The following FBXW7 variants were observed in gnomAD, a reference collection of about 807,000 sequenced individuals.
FBXW7 encodes the protein F-box and WD repeat domain containing 7, also known as F-box/WD repeat-containing protein 7.
Under a neutral mutation model 86.3 loss-of-function variants are expected in FBXW7, and 11 were observed. That is an observed-to-expected ratio of 0.13 (90% confidence interval 0.08 to 0.21). FBXW7 has a LOEUF of 0.21. Ranked by LOEUF, FBXW7 falls within the 10% of genes least tolerant of loss-of-function variation. FBXW7 has a pLI of 1.00. For synonymous variants in FBXW7, 313 were observed against 297.9 expected, an observed-to-expected ratio of 1.05 and a Z score of -0.52; for missense variants, 488 against 847.4, an observed-to-expected ratio of 0.58 and a Z score of 5.27.
chr4:152,442,255 G>C (rs898519414), intron 2 of FBXW7, among the ~76,000 whole-genome samples: 7 of 152,156 alleles, frequency 4.6e-5, no homozygotes, highest in African/African-American at 1.4e-4. Flanking sequence ...TACAGTGGTG[G>C]TTCTCAAACT....
chr4:152,414,743 T>C (rs1738276910), intron 2 of FBXW7, among the ~76,000 whole-genome samples: 1 of 151,986 alleles, frequency 6.6e-6, no homozygotes, highest in South Asian at 2.1e-4. Flanking sequence ...TCTTTCAAGG[T>C]AGTGGAAAGT....
chr4:152,457,815 A>G (rs1021591248), intron 2 of FBXW7, among the ~76,000 whole-genome samples: 3 of 152,040 alleles, frequency 2.0e-5, no homozygotes, highest in Admixed American at 1.3e-4. Context: ...CTCAAAAGAT[A>G]AAAGATGTTA....
intron 2 of FBXW7, among the ~76,000 whole-genome samples, chr4:152,430,162 T>G (rs1739757846): frequency 6.6e-6 from 1 of 152,224 alleles, no homozygotes. Flanking sequence ...GGTTACTATC[T>G]TCCTAGTTCT....
At chr4:152,332,293 C>G (rs2126545286) in intron 8 of FBXW7, among the ~76,000 whole-genome samples, 1 of 152,184 alleles carries the variant, frequency 6.6e-6, no homozygotes, top group African/African-American at 2.4e-5. Context: ...TGAATTAATA[C>G]TAAATATTTG....
At chr4:152,352,538 C>G (rs2126661600) in intron 4 of FBXW7, 1 of 1,613,948 alleles carries the variant, frequency 6.2e-7, no homozygotes, top group Non-Finnish European at 8.5e-7. Context: ...TTCAGTGATT[C>G]TGTGCCCCCG....
At position 152,514,004 on chromosome 4, in the gene FBXW7, T is replaced by A. The variant is rs558212931; in HGVS notation, c.-120+20937A>T. Among the ~76,000 whole-genome samples, 4 of 152,350 alleles carry A rather than the reference T, an allele frequency of 2.6e-5. No homozygotes were observed. The East Asian group carries it at 7.7e-4, about 29-fold the overall frequency. ...TGATTTCAAAGATTTAGTATTAAAA[T>A]AAGAATTTTAAATATCAAAGTCTTC... On this transcript the variant is annotated intron_variant, in intron 2 of 13. Transcript: ENST00000281708.
chr4:152,532,418 C>A (rs1750104280), intron 2 of FBXW7, among the ~76,000 whole-genome samples: 1 of 152,204 alleles, frequency 6.6e-6, no homozygotes, highest in Non-Finnish European at 1.5e-5. Context: ...AAATTACTCT[C>A]AGGAACACTC....
chr4:152,334,975 C>A (rs1729926833), intron 7 of FBXW7, among the ~76,000 whole-genome samples: 2 of 152,024 alleles, frequency 1.3e-5, no homozygotes, highest in African/African-American at 2.4e-5. Context: ...AAGTAGAGCA[C>A]AAATACGCTG....
intron 2 of FBXW7, among the ~76,000 whole-genome samples, chr4:152,449,862 A>C (rs765879868): frequency 6.6e-6 from 1 of 152,230 alleles, no homozygotes; most frequent in Non-Finnish European, 1.5e-5. Context: ...CAAATACTTT[A>C]TAGTCTTCAC....
intron 2 of FBXW7, among the ~76,000 whole-genome samples, chr4:152,463,599 C>G (rs1262517574): frequency 1.3e-5 from 2 of 152,128 alleles, no homozygotes; most frequent in Non-Finnish European, 2.9e-5. Flanking sequence ...GGAGTTAGTT[C>G]ATGATTCAAA....
At chr4:152,340,575 CAAAAAAAAAAAAA>C (rs556530800) in intron 6 of FBXW7, among the ~76,000 whole-genome samples, 3 of 31,914 alleles carry the variant, frequency 9.4e-5, no homozygotes, top group Non-Finnish European at 1.9e-4. Flanking sequence ...AACTCCATCT[CAAAAAAAAAAAAA>C]AAAAAAAAAA....
rs34073737 is a variant in FBXW7 at position 152,387,708 on chromosome 4, C to CTTTTTTTTT, written c.501+23586_501+23594dup. On this transcript the variant is annotated intron_variant, in intron 4 of 13. Transcript: ENST00000281708. ...ATCAAAGAAAAAAAACATGGCATAC[C>CTTTTTTTTT]TTTTTTTTTTTTTTTTTTGAGACTG... Among the ~76,000 whole-genome samples, 100 of 112,784 alleles carry CTTTTTTTTT rather than the reference C, an allele frequency of 8.9e-4. 3 individuals are homozygous for CTTTTTTTTT. The highest frequency in any genetic ancestry group is 2.9e-3 in the African/African-American group (82 of 28,166). 74.0% of individuals were successfully genotyped at this position (112,784 alleles called of 152,430 possible). A position where few individuals can be genotyped will look rare whatever the true frequency, so the allele number is the denominator to read the frequency against.
intron 2 of FBXW7, among the ~76,000 whole-genome samples, chr4:152,445,543 G>A (rs898820541): frequency 6.6e-6 from 1 of 152,164 alleles, no homozygotes; most frequent in African/African-American, 2.4e-5. Context: ...GAACCTCTCT[G>A]AGCTTCAGTT....
At chr4:152,417,156 T>A (rs766566132) in intron 2 of FBXW7, among the ~76,000 whole-genome samples, 1 of 152,076 alleles carries the variant, frequency 6.6e-6, no homozygotes, top group Non-Finnish European at 1.5e-5. Flanking sequence ...CATACTATTA[T>A]CTCCAGTCAG....
chr4:152,423,016 A>G (rs2126922018), intron 2 of FBXW7, among the ~76,000 whole-genome samples: 1 of 152,318 alleles, frequency 6.6e-6, no homozygotes, highest in South Asian at 2.1e-4. Context: ...GCAATTCAGC[A>G]TATTCATCTG....
intron 4 of FBXW7, among the ~76,000 whole-genome samples, chr4:152,375,056 A>G (rs1734369218): frequency 6.6e-6 from 1 of 152,180 alleles, no homozygotes; most frequent in African/African-American, 2.4e-5. Context: ...CAACTACTTT[A>G]AATGAGAATT....
chr4:152,485,550 T>G (rs960574392), intron 2 of FBXW7, among the ~76,000 whole-genome samples: 1 of 152,218 alleles, frequency 6.6e-6, no homozygotes, highest in Non-Finnish European at 1.5e-5. Flanking sequence ...AGAACCTTGG[T>G]GTCACTAGGA....
intron 2 of FBXW7, among the ~76,000 whole-genome samples, chr4:152,461,801 G>T (rs1742974025): frequency 6.6e-6 from 1 of 152,166 alleles, no homozygotes; most frequent in African/African-American, 2.4e-5. Flanking sequence ...ATTCTAATGG[G>T]CTCGTATGGA....
chr4:152,476,444 T>C (rs1355870108), intron 2 of FBXW7, among the ~76,000 whole-genome samples: 1 of 152,094 alleles, frequency 6.6e-6, no homozygotes, highest in Admixed American at 6.6e-5. Context: ...AGACAATTCA[T>C]AAGAGAAAAA....
Sources: gnomAD v4.1 joint callset for allele counts (sites outside exome capture counted in the v4.1 genomes callset) on GRCh38, gnomAD v4.1.1 for gene constraint, MANE v1.5 for transcripts, NCBI Gene and HGNC (gene_info 2026-07-23, HGNC 2026-07-21) for gene names.